The following NRG3 variants were observed in gnomAD, a reference collection of about 807,000 sequenced individuals.
The protein encoded by NRG3 is pro-neuregulin-3, membrane-bound isoform.
Under a neutral mutation model 66.9 loss-of-function variants are expected in NRG3, and 31 were observed. That is an observed-to-expected ratio of 0.46 (90% CI 0.35 to 0.63). The LOEUF is 0.63. Ranked by LOEUF, NRG3 falls within the 20% of genes least tolerant of loss-of-function variation. NRG3 has a pLI of 0.00. For missense variants in NRG3, 910 were observed against 878.9 expected, an observed-to-expected ratio of 1.04 and a Z score of -0.45; for synonymous variants, 393 against 359.4, an observed-to-expected ratio of 1.09 and a Z score of -1.06.
chr10:82,162,212 G>A (rs1005800807), intron 1 of NRG3, among the ~76,000 whole-genome samples: 77 of 152,118 alleles, frequency 5.1e-4, no homozygotes, highest in African/African-American at 1.7e-3. Context: ...TAGTTTCCAG[G>A]ATGGGTTCAG....
At chr10:82,535,316 C>T (rs1847707286) in intron 2 of NRG3, among the ~76,000 whole-genome samples, 1 of 151,696 alleles carries the variant, frequency 6.6e-6, no homozygotes, top group Non-Finnish European at 1.5e-5. Flanking sequence ...TGTCGGAAAT[C>T]TGTGCTGGAT....
At chr10:82,071,266 T>G (rs923506213) in intron 1 of NRG3, among the ~76,000 whole-genome samples, 1 of 152,024 alleles carries the variant, frequency 6.6e-6, no homozygotes, top group African/African-American at 2.4e-5. Flanking sequence ...TCAATGACAA[T>G]GAGTAAAGCA....
At chr10:82,384,574 C>A (rs933126351) in intron 2 of NRG3, among the ~76,000 whole-genome samples, 5 of 152,176 alleles carry the variant, frequency 3.3e-5, no homozygotes, top group African/African-American at 1.2e-4. Flanking sequence ...GTAATGGCCT[C>A]CAGTTGCACA....
At chr10:82,702,196 G>A (rs548349683) in intron 2 of NRG3, among the ~76,000 whole-genome samples, 35 of 152,282 alleles carry the variant, frequency 2.3e-4, no homozygotes, top group African/African-American at 7.7e-4. Flanking sequence ...TTTCCTTGTG[G>A]ATTCCAATAG....
chr10:82,050,693 C>T (rs909396244), intron 1 of NRG3, among the ~76,000 whole-genome samples: 1 of 151,966 alleles, frequency 6.6e-6, no homozygotes, highest in African/African-American at 2.4e-5. Flanking sequence ...TGGTGACAGA[C>T]AGTGTCACAG....
At chr10:81,880,284 A>G (rs1374094740) in intron 1 of NRG3, among the ~76,000 whole-genome samples, 1 of 152,048 alleles carries the variant, frequency 6.6e-6, no homozygotes, top group Non-Finnish European at 1.5e-5. Flanking sequence ...ATTCCTCCCC[A>G]GTTCTTCAGA....
At chr10:82,906,916 C>A (rs1370121785) in intron 4 of NRG3, among the ~76,000 whole-genome samples, 1 of 152,052 alleles carries the variant, frequency 6.6e-6, no homozygotes, top group East Asian at 1.9e-4. Context: ...TGATTATACA[C>A]ATAAGGAAAT....
chr10:82,404,366 G>T (rs372372628), intron 2 of NRG3, among the ~76,000 whole-genome samples: 53 of 152,250 alleles, frequency 3.5e-4, no homozygotes, highest in African/African-American at 1.2e-3. Context: ...GCTAGTGTCT[G>T]CTGGGACTAT....
chr10:82,319,033 G>A (rs1181155570), intron 1 of NRG3, among the ~76,000 whole-genome samples: 1 of 152,192 alleles, frequency 6.6e-6, no homozygotes, highest in African/African-American at 2.4e-5. Flanking sequence ...ACACAGAAGT[G>A]TATATTGGTG....
chr10:82,919,867 A>T (rs17101070), intron 4 of NRG3, among the ~76,000 whole-genome samples: 72,528 of 151,788 alleles, frequency 0.48, 18,393 homozygotes, highest in East Asian at 0.68. Flanking sequence ...AATTTTAGAG[A>T]TGACCAAATG....
At chr10:82,637,757 G>A (rs1375730377) in intron 2 of NRG3, among the ~76,000 whole-genome samples, 1 of 152,170 alleles carries the variant, frequency 6.6e-6, no homozygotes, top group Non-Finnish European at 1.5e-5. Context: ...TTGTGATCCA[G>A]AGCTTTTTGT....
chr10:82,913,131 A>G (rs1403753671), intron 4 of NRG3, among the ~76,000 whole-genome samples: 1 of 152,200 alleles, frequency 6.6e-6, no homozygotes, highest in Non-Finnish European at 1.5e-5. Flanking sequence ...AGGCTGAGGC[A>G]GGAGAATGGC....
chr10:82,856,708 C>T (rs1206399623), intron 3 of NRG3, among the ~76,000 whole-genome samples: 18 of 129,758 alleles, frequency 1.4e-4, no homozygotes. Flanking sequence ...TGTGCCATTG[C>T]ACTCCAGCCT....
At chr10:82,666,366 A>G (rs1195923026) in intron 2 of NRG3, among the ~76,000 whole-genome samples, 1 of 152,194 alleles carries the variant, frequency 6.6e-6, no homozygotes, top group African/African-American at 2.4e-5. Flanking sequence ...TGGAAAATTA[A>G]ATTCAACTTG....
intron 1 of NRG3, among the ~76,000 whole-genome samples, chr10:82,295,801 G>A (rs2080027787): frequency 2.6e-5 from 4 of 151,760 alleles, no homozygotes; most frequent in African/African-American, 9.7e-5. Context: ...GGGTACCTTG[G>A]TATTCATTTT....
At chr10:82,474,226 T>G (rs185655215) in intron 2 of NRG3, among the ~76,000 whole-genome samples, 2 of 151,898 alleles carry the variant, frequency 1.3e-5, no homozygotes, top group Admixed American at 1.3e-4. Flanking sequence ...GAATGCATGG[T>G]CCATTCAAAG....
intron 1 of NRG3, among the ~76,000 whole-genome samples, chr10:82,249,590 C>A (rs1182032942): frequency 1.3e-5 from 2 of 151,994 alleles, no homozygotes; most frequent in African/African-American, 4.8e-5. Context: ...AATGAATAAC[C>A]ACACCCTGAC....
At chr10:81,909,846 G>A (rs984811198) in intron 1 of NRG3, among the ~76,000 whole-genome samples, 1 of 152,006 alleles carries the variant, frequency 6.6e-6, no homozygotes, top group Non-Finnish European at 1.5e-5. Flanking sequence ...ACCTTTAAAG[G>A]AAATATGCGT....
chr10:82,127,720 CAGT>C (rs1367138588), intron 1 of NRG3, among the ~76,000 whole-genome samples: 1 of 151,848 alleles, frequency 6.6e-6, no homozygotes, highest in Non-Finnish European at 1.5e-5. Context: ...CCAGAAACCC[CAGT>C]CTGCCCCAGG....
Sources: gnomAD v4.1 joint callset for allele counts (sites outside exome capture counted in the v4.1 genomes callset) on GRCh38, gnomAD v4.1.1 for gene constraint, MANE v1.5 for transcripts, NCBI Gene and HGNC (gene_info 2026-07-23, HGNC 2026-07-21) for gene names.